Variants in VPS54 observed in about 807,000 individuals in gnomAD.
VPS54 encodes VPS54 subunit of GARP complex, also known as vacuolar protein sorting-associated protein 54.
In VPS54, 45 loss-of-function variants were observed where a neutral mutation model predicts 121.5. The ratio of observed to expected loss-of-function variants is 0.37; its 90% confidence interval spans 0.29 to 0.47. The LOEUF is 0.47. VPS54 is among the 20% of genes least tolerant of loss of function. The probability of loss-of-function intolerance (pLI) is 0.99; values close to 1 mark genes in which losing one functional copy is unlikely to be tolerated. For missense variants in VPS54, 1,090 were observed against 1,131.4 expected (o/e 0.96, Z 0.52); for synonymous variants, 371 against 385.8 (o/e 0.96, Z 0.45).
At position 63,933,821 on chromosome 2, in the gene VPS54, C is replaced by T. The variant is rs749098894; in HGVS notation, c.1591G>A (p.Ala531Thr). Residue 531 changes from alanine to threonine, a missense_variant, in exon 12 of 23, where the codon GCA (alanine) becomes ACA (threonine). Transcript: ENST00000272322. ...TTTCTTTGAGAGGTAGTGTCAACTGCTATAGGTGTTAGCTCACCCTCACCG... is the reference window on the plus strand; with the variant it reads ...TTTCTTTGAGAGGTAGTGTCAACTGTTATAGGTGTTAGCTCACCCTCACCG... Reference protein sequence around the residue: ...AFGEGELTPIAVDTTSQRNAS... With the variant: ...AFGEGELTPITVDTTSQRNAS... 3 of 1,613,740 alleles carry T rather than the reference C, an allele frequency of 1.9e-6. No homozygotes were observed. The highest frequency in any genetic ancestry group is 2.2e-5 in the East Asian group (1 of 44,882).
intron 6 of VPS54, among the ~76,000 whole-genome samples, chr2:63,963,965 A>G (rs1035421549): frequency 6.6e-6 from 1 of 152,242 alleles, no homozygotes; most frequent in African/African-American, 2.4e-5. Flanking sequence ...TTTTTTTCAG[A>G]CTTTCTTAAT....
chr2:63,903,082 T>C (rs1358835904), intron 20 of VPS54, among the ~76,000 whole-genome samples: 1 of 151,464 alleles, frequency 6.6e-6, no homozygotes, highest in Non-Finnish European at 1.5e-5. Context: ...AAGAGAGAAA[T>C]TGAAACTATA....
At position 63,899,523 on chromosome 2, in the gene VPS54, G is replaced by C. The variant is rs1672586419; in HGVS notation, c.2684C>G (p.Thr895Arg). 6.2e-7 allele frequency: 1 copy of C among 1,613,630 alleles called. No individual in the cohort carries two copies. The highest frequency in any genetic ancestry group is 8.5e-7 in the Non-Finnish European group (1 of 1,179,862). The change falls in exon 21 of 23, where the codon ACA becomes AGA. Residue 895 changes from threonine to arginine, a missense_variant. Physicochemically the swap from Thr to Arg is moderately conservative, Grantham distance 71. Transcript: ENST00000272322. ...ATCAAATATAGCTTCGTGCATTTTT[G>C]TCATTTGCTTACAAATATTCCTGAA... The part of the protein sequence containing the change: ...ACFRNICKQM[T>R]KMHEAIFDLL...
chr2:63,955,694 T>G (rs1675463555), intron 7 of VPS54, among the ~76,000 whole-genome samples: 1 of 152,072 alleles, frequency 6.6e-6, no homozygotes, highest in Non-Finnish European at 1.5e-5. Context: ...ACAGGTATTT[T>G]ATATATGCAA....
At chr2:63,920,068 G>C (rs979174678) in intron 14 of VPS54, 73 bp from the exon 15 acceptor site, 2 of 1,294,968 alleles carry the variant, frequency 1.5e-6, no homozygotes, top group Non-Finnish European at 2.1e-6. Flanking sequence ...TAAAAGAAAA[G>C]GAAGAAGAGC....
At chr2:63,961,335 T>C (rs1433854285) in intron 7 of VPS54, among the ~76,000 whole-genome samples, 1 of 152,200 alleles carries the variant, frequency 6.6e-6, no homozygotes. Context: ...TCAATTAAAA[T>C]AAATGTATTT....
intron 7 of VPS54, among the ~76,000 whole-genome samples, chr2:63,955,344 A>G (rs1050696968): frequency 1.3e-5 from 2 of 151,958 alleles, no homozygotes; most frequent in Non-Finnish European, 2.9e-5. Flanking sequence ...TATGAAGATC[A>G]TTGATTCTTT....
At chr2:63,930,921 C>A (rs1260927732) in intron 12 of VPS54, among the ~76,000 whole-genome samples, 1 of 152,076 alleles carries the variant, frequency 6.6e-6, no homozygotes, top group Non-Finnish European at 1.5e-5. Context: ...ACAATTGCTA[C>A]AAAGAGAATA....
chr2:63,999,615 G>A (rs944426053), intron 1 of VPS54, among the ~76,000 whole-genome samples: 9 of 151,934 alleles, frequency 5.9e-5, no homozygotes, highest in Non-Finnish European at 8.8e-5. Context: ...TCTTGTACTT[G>A]GATATTAATA....
chr2:63,909,726 T>TTTTTG (rs1558983935), intron 20 of VPS54, among the ~76,000 whole-genome samples: 24 of 101,474 alleles, frequency 2.4e-4, no homozygotes, highest in Non-Finnish European at 4.5e-4. Context: ...CCGTTTTTGG[T>TTTTTG]TTTTTTTTTT....
intron 15 of VPS54, 90 bp from the exon 16 acceptor site, chr2:63,917,053 CA>C: frequency 4.0e-6 from 5 of 1,245,462 alleles, no homozygotes; most frequent in East Asian, 2.4e-5. Flanking sequence ...TGTTTAAGGC[CA>C]AAAACTCTCA....
chr2:64,002,067 GCTCC>G (rs1160040394), intron 1 of VPS54, among the ~76,000 whole-genome samples: 2 of 152,156 alleles, frequency 1.3e-5, no homozygotes, highest in African/African-American at 2.4e-5. Flanking sequence ...TGGTCTGAAT[GCTCC>G]CTCCATGTGT....
intron 1 of VPS54, among the ~76,000 whole-genome samples, chr2:64,000,849 C>T (rs979544706): frequency 1.3e-5 from 2 of 152,154 alleles, no homozygotes; most frequent in African/African-American, 4.8e-5. Context: ...CACTGAGTCT[C>T]ACCCAAGGCC....
intron 1 of VPS54, among the ~76,000 whole-genome samples, chr2:64,010,645 C>T (rs551509775): frequency 6.6e-6 from 1 of 151,356 alleles, no homozygotes; most frequent in Non-Finnish European, 1.5e-5. Flanking sequence ...ACTACCTATA[C>T]ACAAATAGCA....
chr2:64,001,051 G>A (rs1249863109), intron 1 of VPS54, among the ~76,000 whole-genome samples: 2 of 152,204 alleles, frequency 1.3e-5, no homozygotes, highest in Non-Finnish European at 2.9e-5. Context: ...TCTACCTGGT[G>A]TTCTATTATA....
intron 1 of VPS54, among the ~76,000 whole-genome samples, chr2:64,013,558 TG>T (rs1438571846): frequency 2.0e-5 from 3 of 147,604 alleles, no homozygotes; most frequent in Non-Finnish European, 4.5e-5. Context: ...TATATATATA[TG>T]ATATATATAT....
intron 1 of VPS54, among the ~76,000 whole-genome samples, chr2:63,985,677 TTATACACACA>T (rs769133937): frequency 3.3e-4 from 37 of 112,674 alleles, no homozygotes; most frequent in African/African-American, 1.0e-3. Flanking sequence ...AAGTGACAAA[TTATACACACA>T]CACACACACA....
At chr2:63,906,911 G>A (rs1266265231) in intron 20 of VPS54, among the ~76,000 whole-genome samples, 1 of 152,100 alleles carries the variant, frequency 6.6e-6, no homozygotes, top group African/African-American at 2.4e-5. Context: ...TTTTGAAAAA[G>A]AACAAAATTA....
In VPS54 at chr2:63,916,953, T is replaced by C. The variant is rs1315338720; in HGVS notation, c.2175A>G (p.Glu725=). ...LPEKKSGATE[E]RKPAEVLIVE... is the part of the protein sequence containing the mutation. ...CAATAAGAACTTCAGCTGGTTTCCT[T>C]TCTTCTGTGGCTACAGAGTTAAGCA... The change falls in exon 16 of 23, where the codon GAA becomes GAG. Residue 725 remains glutamate (E), a synonymous_variant. Coordinates refer to ENST00000272322, the MANE Select transcript of VPS54 (RefSeq NM_016516.3). 2 of 1,613,442 alleles carry C rather than the reference T, an allele frequency of 1.2e-6. No homozygotes were observed. Among genetic ancestry groups the C allele is most frequent in the Non-Finnish European group, 1.7e-6 (2 of 1,179,642 alleles).
Sources: gnomAD v4.1 joint callset for allele counts (sites outside exome capture counted in the v4.1 genomes callset) on GRCh38, gnomAD v4.1.1 for gene constraint, MANE v1.5 for transcripts, NCBI Gene and HGNC (gene_info 2026-07-23, HGNC 2026-07-21) for gene names.